The following TENM3 variants were observed in gnomAD, a reference collection of about 807,000 sequenced individuals.
TENM3 encodes teneurin-3.
Under a neutral mutation model 255.1 loss-of-function variants are expected in TENM3, and 63 were observed. The observed-to-expected ratio is 0.25, with a 90% CI of 0.20 to 0.30. The LOEUF (loss-of-function observed/expected upper bound fraction) is 0.30. TENM3 is among the 10% of genes least tolerant of loss of function. TENM3 has a pLI of 1.00. For synonymous variants in TENM3, 1,306 were observed against 1,322.3 expected, an observed-to-expected ratio of 0.99 and a Z score of 0.27; for missense variants, 2,929 against 3,461.1, an observed-to-expected ratio of 0.85 and a Z score of 3.86.
chr4:182,683,870 A>G (rs914645094), intron 11 of TENM3, among the ~76,000 whole-genome samples: 1 of 152,082 alleles, frequency 6.6e-6, no homozygotes, highest in Non-Finnish European at 1.5e-5. Context: ...AATAAAAAAG[A>G]TAAATCTGAG....
At chr4:181,705,589 CT>C in the TENM3 span, among the ~76,000 whole-genome samples, 4,530 of 152,206 alleles carry the variant, frequency 0.03, 203 homozygotes, top group African/African-American at 0.1. Context: ...GGTTATCTCT[CT>C]TTTTTCAACT....
chr4:182,626,814 T>C (rs577861555), intron 4 of TENM3, among the ~76,000 whole-genome samples: 1 of 152,358 alleles, frequency 6.6e-6, no homozygotes, highest in African/African-American at 2.4e-5. Flanking sequence ...GCATCTGTTC[T>C]AATTTTGTGT....
chr4:181,489,608 C>T, the TENM3 span, among the ~76,000 whole-genome samples: 80 of 152,126 alleles, frequency 5.3e-4, no homozygotes, highest in East Asian at 0.01. Flanking sequence ...CACACTATAC[C>T]CTATTTCGTA....
At chr4:181,618,794 C>T in the TENM3 span, among the ~76,000 whole-genome samples, 1 of 152,084 alleles carries the variant, frequency 6.6e-6, no homozygotes, top group African/African-American at 2.4e-5. Flanking sequence ...AACCAGGTTC[C>T]CACTTCAGTG....
chr4:182,292,141 A>G (rs568729529), intron 1 of TENM3, among the ~76,000 whole-genome samples: 1 of 152,272 alleles, frequency 6.6e-6, no homozygotes, highest in South Asian at 2.1e-4. Flanking sequence ...GCACTGCTAT[A>G]TTTCTTTTAA....
intron 1 of TENM3, among the ~76,000 whole-genome samples, chr4:182,231,121 T>C (rs988691027): frequency 6.6e-6 from 1 of 152,004 alleles, no homozygotes; most frequent in Admixed American, 6.6e-5. Flanking sequence ...CTATTTTTTC[T>C]TGTTCTACAT....
the TENM3 span, among the ~76,000 whole-genome samples, chr4:182,125,349 A>G: frequency 6.6e-6 from 1 of 152,224 alleles, no homozygotes; most frequent in Non-Finnish European, 1.5e-5. Flanking sequence ...GTGTGCAAGT[A>G]GTAAGGCTAG....
chr4:182,182,786 A>G (rs990242829), intron 1 of TENM3, among the ~76,000 whole-genome samples: 1 of 152,216 alleles, frequency 6.6e-6, no homozygotes, highest in African/African-American at 2.4e-5. Flanking sequence ...AAGTTAGAGT[A>G]CACGTGTAAA....
the TENM3 span, among the ~76,000 whole-genome samples, chr4:181,779,192 T>G: frequency 6.6e-6 from 1 of 152,050 alleles, no homozygotes; most frequent in Non-Finnish European, 1.5e-5. Context: ...ATGATGTCCT[T>G]TAGTGGGTAA....
chr4:182,354,529 G>A (rs1487878124), intron 3 of TENM3, among the ~76,000 whole-genome samples: 2 of 152,074 alleles, frequency 1.3e-5, no homozygotes, highest in African/African-American at 4.8e-5. Context: ...AGCTAACTGA[G>A]GGTTTTTTTG....
chr4:182,698,758 A>G (rs1757626598), intron 12 of TENM3, among the ~76,000 whole-genome samples: 1 of 152,222 alleles, frequency 6.6e-6, no homozygotes, highest in Admixed American at 6.5e-5. Context: ...AAAGACAGGC[A>G]GCAGCATAGT....
At chr4:182,388,465 CT>C (rs1227353860) in intron 3 of TENM3, among the ~76,000 whole-genome samples, 4 of 152,146 alleles carry the variant, frequency 2.6e-5, no homozygotes, top group East Asian at 3.9e-4. Flanking sequence ...CCAAAACAGT[CT>C]TGTGAATTGT....
At chr4:182,175,306 A>ATATATATATATATATATATATATAT (rs1326077334) in intron 1 of TENM3, among the ~76,000 whole-genome samples, 1 of 80,492 alleles carries the variant, frequency 1.2e-5, no homozygotes, top group African/African-American at 3.6e-5. Flanking sequence ...CTTCATTAAA[A>ATATATATATATATATATATATATAT]AAAAAAAAAT....
At chr4:182,710,995 G>T (rs961607210) in intron 12 of TENM3, among the ~76,000 whole-genome samples, 1 of 152,118 alleles carries the variant, frequency 6.6e-6, no homozygotes, top group South Asian at 2.1e-4. Flanking sequence ...AAATAAACAG[G>T]ATCTTAGAAT....
At chr4:182,050,923 G>A in the TENM3 span, among the ~76,000 whole-genome samples, 4 of 152,218 alleles carry the variant, frequency 2.6e-5, no homozygotes, top group African/African-American at 7.2e-5. Context: ...AGCCACTGGC[G>A]ATTACAGTGG....
intron 1 of TENM3, among the ~76,000 whole-genome samples, chr4:182,178,766 A>G (rs1304099879): frequency 6.6e-6 from 1 of 152,026 alleles, no homozygotes. Flanking sequence ...ATTTAAAATG[A>G]CTCTGTATTT....
At chr4:181,480,164 A>AC in the TENM3 span, among the ~76,000 whole-genome samples, 62,225 of 151,852 alleles carry the variant, frequency 0.41, 13,144 homozygotes, top group African/African-American at 0.51. Context: ...TAAGGATCCT[A>AC]CCACATTTAT....
At chr4:182,503,131 C>G (rs571126546) in intron 3 of TENM3, among the ~76,000 whole-genome samples, 1 of 152,060 alleles carries the variant, frequency 6.6e-6, no homozygotes, top group Non-Finnish European at 1.5e-5. Context: ...AGTAAGTCCC[C>G]AAATCTCCCT....
the TENM3 span, among the ~76,000 whole-genome samples, chr4:181,731,035 T>C: frequency 6.6e-6 from 1 of 152,218 alleles, no homozygotes. Flanking sequence ...GAATTTGATA[T>C]GCATTATGAT....
Sources: gnomAD v4.1 joint callset for allele counts (sites outside exome capture counted in the v4.1 genomes callset) on GRCh38, gnomAD v4.1.1 for gene constraint, MANE v1.5 for transcripts, NCBI Gene and HGNC (gene_info 2026-07-23, HGNC 2026-07-21) for gene names.